Variants in RBFOX1 observed in about 807,000 individuals in gnomAD.
RBFOX1 encodes the protein RNA binding fox-1 homolog 1.
RBFOX1 carries 8 observed loss-of-function variants against 57.7 expected under a neutral mutation model. The ratio of observed to expected loss-of-function variants is 0.14; its 90% CI spans 0.08 to 0.25. The LOEUF is 0.25. Among genes scored for constraint, RBFOX1 ranks in the 10% least tolerant of loss-of-function variants. RBFOX1 has a pLI of 1.00. For missense variants in RBFOX1, 611 were observed against 548.5 expected, an observed-to-expected ratio of 1.11 and a Z score of -1.14; for synonymous variants, 326 against 222.4, an observed-to-expected ratio of 1.47 and a Z score of -4.15.
intron 2 of RBFOX1, among the ~76,000 whole-genome samples, chr16:6,646,292 C>G (rs532487597): frequency 1.3e-5 from 2 of 152,262 alleles, no homozygotes; most frequent in Non-Finnish European, 2.9e-5. Context: ...TGTTCAGAAG[C>G]AAATGCAGTC....
At chr16:7,398,910 C>G (rs1341906100) in intron 4 of RBFOX1, among the ~76,000 whole-genome samples, 1 of 152,136 alleles carries the variant, frequency 6.6e-6, no homozygotes, top group Non-Finnish European at 1.5e-5. Flanking sequence ...TAACAAATGC[C>G]CACAAACTTG....
intron 3 of RBFOX1, among the ~76,000 whole-genome samples, chr16:6,955,292 TTAAG>T (rs2153533520): frequency 6.6e-6 from 1 of 151,716 alleles, no homozygotes. Context: ...TAGCGTACGA[TTAAG>T]TAAGTTATCA....
At chr16:5,321,073 C>T (rs1413173909) in intron 1 of RBFOX1, among the ~76,000 whole-genome samples, 1 of 152,164 alleles carries the variant, frequency 6.6e-6, no homozygotes, top group African/African-American at 2.4e-5. Flanking sequence ...GTACTGTTTG[C>T]ATCCAAGCAC....
chr16:6,509,930 C>T lies in RBFOX1; in HGVS notation c.-63-144673C>T, dbSNP rs181492704. ...TATATCCCTGATAATGCAGGAGACG[C>T]TCCATAAGTGATGGGATGTTTACTC... On this transcript the variant is annotated intron_variant, in intron 2 of 15. Transcript: ENST00000550418. 6.6e-4 allele frequency among the ~76,000 whole-genome samples: 100 copies of T among 152,290 alleles called. 1 individual carries two copies. Among genetic ancestry groups the T allele is most frequent in the South Asian group, 2.1e-3 (10 of 4,820 alleles).
At chr16:6,637,566 C>CTATATAGTATATATAGAATAGTG (rs1325895604) in intron 2 of RBFOX1, among the ~76,000 whole-genome samples, 1 of 129,956 alleles carries the variant, frequency 7.7e-6, no homozygotes, top group Admixed American at 9.1e-5. Flanking sequence ...ATATAATATT[C>CTATATAGTATATATAGAATAGTG]TATATAGTAT....
intron 1 of RBFOX1, among the ~76,000 whole-genome samples, chr16:6,229,501 C>T (rs983340583): frequency 9.2e-5 from 14 of 151,966 alleles, no homozygotes; most frequent in African/African-American, 2.7e-4. Context: ...CATTAAGTGA[C>T]GCAAACACAA....
intron 3 of RBFOX1, among the ~76,000 whole-genome samples, chr16:7,025,529 C>T (rs1240963321): frequency 6.6e-6 from 1 of 152,142 alleles, no homozygotes; most frequent in East Asian, 1.9e-4. Flanking sequence ...TGCTCTGGTT[C>T]AAACACCTCT....
At chr16:6,883,825 C>CT (rs1176939592) in intron 3 of RBFOX1, among the ~76,000 whole-genome samples, 5 of 150,822 alleles carry the variant, frequency 3.3e-5, no homozygotes, top group African/African-American at 7.3e-5. Context: ...ATTATTATCT[C>CT]TTTTTTCCCC....
chr16:6,513,761 A>AC (rs924608559), intron 2 of RBFOX1, among the ~76,000 whole-genome samples: 8 of 151,868 alleles, frequency 5.3e-5, no homozygotes, highest in Non-Finnish European at 8.8e-5. Context: ...ACAAAAAAAA[A>AC]CAAAGTCTGG....
intron 4 of RBFOX1, among the ~76,000 whole-genome samples, chr16:7,263,662 G>A (rs546644478): frequency 1.2e-4 from 18 of 152,112 alleles, no homozygotes; most frequent in African/African-American, 1.9e-4. Context: ...CAGAGAGGCC[G>A]AGGCAGGTGG....
intron 4 of RBFOX1, among the ~76,000 whole-genome samples, chr16:7,237,958 C>T (rs145674326): frequency 5.9e-5 from 9 of 152,280 alleles, no homozygotes; most frequent in African/African-American, 1.9e-4. Context: ...GAGCCCACGT[C>T]GCGTCCCTGC....
intron 3 of RBFOX1, among the ~76,000 whole-genome samples, chr16:6,822,493 A>T (rs888819969): frequency 1.3e-5 from 2 of 152,224 alleles, no homozygotes; most frequent in African/African-American, 4.8e-5. Flanking sequence ...ACATGCATCA[A>T]TCTGAGTTTC....
At chr16:7,507,796 G>C (rs555060093) in intron 4 of RBFOX1, among the ~76,000 whole-genome samples, 6 of 151,794 alleles carry the variant, frequency 4.0e-5, no homozygotes, top group Non-Finnish European at 8.8e-5. Flanking sequence ...ATGTCCTGAC[G>C]TCGTGATCCG....
intron 3 of RBFOX1, among the ~76,000 whole-genome samples, chr16:5,772,108 G>A (rs915347950): frequency 5.3e-5 from 8 of 151,864 alleles, no homozygotes; most frequent in African/African-American, 1.9e-4. Context: ...GGAGGCGGAG[G>A]TTGCAATGAG....
chr16:6,536,726 A>G (rs1216331170), intron 2 of RBFOX1, among the ~76,000 whole-genome samples: 1 of 152,172 alleles, frequency 6.6e-6, no homozygotes, highest in Non-Finnish European at 1.5e-5. Context: ...ACAAGTCAAG[A>G]TGGCTTCTAA....
chr16:5,811,003 TTGTTTG>T (rs2055405635), intron 3 of RBFOX1, among the ~76,000 whole-genome samples: 1 of 152,138 alleles, frequency 6.6e-6, no homozygotes, highest in South Asian at 2.1e-4. Context: ...TCCAATGGGT[TTGTTTG>T]TGTACCTTTG....
intron 4 of RBFOX1, among the ~76,000 whole-genome samples, chr16:7,231,449 T>A (rs1419192200): frequency 2.0e-5 from 3 of 152,146 alleles, no homozygotes; most frequent in Non-Finnish European, 4.4e-5. Flanking sequence ...ATCAGCTCAT[T>A]TATCATCCTA....
chr16:6,329,165 T>C (rs1453585391), intron 2 of RBFOX1, among the ~76,000 whole-genome samples: 1 of 152,204 alleles, frequency 6.6e-6, no homozygotes, highest in East Asian at 1.9e-4. Context: ...AATTCCTACC[T>C]GACTCCATGA....
At chr16:5,607,219 G>C (rs1021961940) in intron 3 of RBFOX1, among the ~76,000 whole-genome samples, 1 of 152,220 alleles carries the variant, frequency 6.6e-6, no homozygotes, top group Non-Finnish European at 1.5e-5. Flanking sequence ...CAAGTGTGCG[G>C]ACGAGATAAC....
Sources: allele counts gnomAD v4.1 joint callset (sites outside exome capture counted in the v4.1 genomes callset), GRCh38; gene constraint gnomAD v4.1.1; transcripts MANE v1.5; gene names NCBI Gene and HGNC (gene_info 2026-07-23, HGNC 2026-07-21).